Variants in ULK4 observed in about 807,000 individuals in gnomAD.
ULK4 encodes unc-51 like kinase 4, also known as inactive serine/threonine-protein kinase ULK4.
A neutral mutation model predicts 160.6 loss-of-function variants in ULK4; 133 were observed. The ratio of observed to expected loss-of-function variants is 0.83; its 90% CI spans 0.72 to 0.96. The LOEUF is 0.96. Ranked by LOEUF, ULK4 falls within the 40% of genes least tolerant of loss-of-function variation. The probability of loss-of-function intolerance (pLI) is 0.00; values close to 1 mark genes in which losing one functional copy is unlikely to be tolerated. For missense variants in ULK4, 1,580 were observed against 1,499.5 expected, an observed-to-expected ratio of 1.05 and a Z score of -0.89; for synonymous variants, 534 against 539.8, an observed-to-expected ratio of 0.99 and a Z score of 0.15.
At chr3:41,827,329 C>T (rs149958055) in intron 18 of ULK4, among the ~76,000 whole-genome samples, 26,505 of 149,462 alleles carry the variant, frequency 0.18, 2,410 homozygotes, top group Middle Eastern at 0.32. Context: ...CTGAAGGAGA[C>T]AGAGACACAA....
chr3:41,710,999 G>C (rs566014186), intron 25 of ULK4, among the ~76,000 whole-genome samples: 1 of 152,080 alleles, frequency 6.6e-6, no homozygotes, highest in Non-Finnish European at 1.5e-5. Flanking sequence ...GCCGACAAGC[G>C]GATGCTGACA....
At chr3:41,475,598 T>C (rs1422348544) in intron 32 of ULK4, among the ~76,000 whole-genome samples, 1 of 152,076 alleles carries the variant, frequency 6.6e-6, no homozygotes, top group African/African-American at 2.4e-5. Flanking sequence ...CCCATAAATA[T>C]ACAACTATAA....
chr3:41,649,240 G>A (rs1031412300), intron 30 of ULK4, among the ~76,000 whole-genome samples: 3 of 152,166 alleles, frequency 2.0e-5, no homozygotes, highest in Admixed American at 6.5e-5. Flanking sequence ...TGGCAGCAGC[G>A]GCCCATTTGG....
chr3:41,721,090 T>C (rs1227083154), intron 22 of ULK4, among the ~76,000 whole-genome samples: 1 of 151,522 alleles, frequency 6.6e-6, no homozygotes, highest in Non-Finnish European at 1.5e-5. Flanking sequence ...ATAAGCAAAG[T>C]TCAAAATAGG....
At chr3:41,681,396 G>A (rs1464493384) in intron 29 of ULK4, 112 bp downstream of exon 29, 20 of 1,429,992 alleles carry the variant, frequency 1.4e-5, no homozygotes, top group Non-Finnish European at 1.8e-5. Flanking sequence ...ACAAGCATAT[G>A]TGTATAAACA....
intron 32 of ULK4, among the ~76,000 whole-genome samples, chr3:41,476,490 A>G (rs1418416698): frequency 2.6e-5 from 4 of 152,238 alleles, no homozygotes; most frequent in African/African-American, 7.2e-5. Flanking sequence ...ACTTTCCAAG[A>G]GATCAAAATG....
rs80030845 is a variant in ULK4, at chr3:41,768,929, A to T, written c.2194-14441T>A. Reference sequence around the variant, plus strand: ...ATACAGATGCTTTTCAACTTACAATAAGGTTACATCCCAATAAACTCACTG... The same window carrying T: ...ATACAGATGCTTTTCAACTTACAATTAGGTTACATCCCAATAAACTCACTG... On this transcript the variant is annotated intron_variant, in intron 21 of 36. Transcript: ENST00000301831. Among the ~76,000 whole-genome samples the T allele has an allele frequency of 7.9e-5, 12 of 152,272 alleles. No individual in the cohort carries two copies. The East Asian group carries it at 2.3e-3, about 29-fold the overall frequency.
intron 2 of ULK4, among the ~76,000 whole-genome samples, chr3:41,950,573 G>A (rs1700258746): frequency 6.6e-6 from 1 of 151,794 alleles, no homozygotes; most frequent in Non-Finnish European, 1.5e-5. Context: ...ATCTTTTGCA[G>A]GGACACATTT....
chr3:41,866,469 T>C (rs1696887697), intron 17 of ULK4, among the ~76,000 whole-genome samples: 1 of 152,218 alleles, frequency 6.6e-6, no homozygotes, highest in Non-Finnish European at 1.5e-5. Flanking sequence ...TCATAAAGTG[T>C]GCACAACCTA....
At chr3:41,535,057 G>A (rs1424902182) in intron 32 of ULK4, among the ~76,000 whole-genome samples, 8 of 152,000 alleles carry the variant, frequency 5.3e-5, no homozygotes, top group Non-Finnish European at 1.5e-5. Flanking sequence ...CTTCCCATTT[G>A]GAGCCTGAAT....
chr3:41,788,845 C>T (rs1411159036), intron 21 of ULK4, among the ~76,000 whole-genome samples: 2 of 152,118 alleles, frequency 1.3e-5, no homozygotes, highest in African/African-American at 4.8e-5. Context: ...TGAATCATTG[C>T]TTTCCAAATT....
chr3:41,525,209 T>C (rs547436387), intron 32 of ULK4, among the ~76,000 whole-genome samples: 1 of 152,274 alleles, frequency 6.6e-6, no homozygotes, highest in Admixed American at 6.5e-5. Context: ...ATTTCTCACA[T>C]AGCACCTCAG....
chr3:41,586,468 C>G (rs2125637629), intron 31 of ULK4, among the ~76,000 whole-genome samples: 1 of 152,142 alleles, frequency 6.6e-6, no homozygotes, highest in South Asian at 2.1e-4. Context: ...AGAAAGTAGA[C>G]AGGTGACTGC....
intron 30 of ULK4, among the ~76,000 whole-genome samples, chr3:41,648,359 C>T (rs1224368048): frequency 6.6e-6 from 1 of 150,916 alleles, no homozygotes; most frequent in South Asian, 2.1e-4. Flanking sequence ...CCAGTTTTTA[C>T]TCTTTATCTT....
At chr3:41,772,821 A>G (rs1357263738) in intron 21 of ULK4, among the ~76,000 whole-genome samples, 8 of 152,218 alleles carry the variant, frequency 5.3e-5, no homozygotes, top group African/African-American at 1.9e-4. Context: ...AAAATCCTCA[A>G]TAAAATACTG....
intron 22 of ULK4, among the ~76,000 whole-genome samples, chr3:41,719,995 C>G (rs2037395199): frequency 6.6e-6 from 1 of 152,196 alleles, no homozygotes; most frequent in African/African-American, 2.4e-5. Context: ...TGGCCCTTCT[C>G]TTCCCTCTTT....
chr3:41,705,355 A>G (rs1193695376), intron 25 of ULK4, 50 bp from the exon 26 acceptor site: 4 of 1,431,056 alleles, frequency 2.8e-6, no homozygotes, highest in Non-Finnish European at 3.8e-6. Flanking sequence ...TAACTCTGAA[A>G]TAAAATATAG....
intron 21 of ULK4, among the ~76,000 whole-genome samples, chr3:41,787,468 C>T (rs2040030068): frequency 6.6e-6 from 1 of 152,186 alleles, no homozygotes; most frequent in Admixed American, 6.5e-5. Flanking sequence ...AAGCAGTCCA[C>T]TGGGGATCTG....
In ULK4 at chr3:41,629,203, T is replaced by C. The variant is rs1035271615; in HGVS notation, c.3072-13486A>G. On this transcript the variant is annotated intron_variant, in intron 30 of 36. Transcript: ENST00000301831. The stretch of plus-strand genomic sequence containing the variant: ...GTGGGGATGACTCGTCTTTGTTTCA[T>C]GACGTTTGCGGCCTCAGCTGGGAAG... 9.2e-5 allele frequency among the ~76,000 whole-genome samples: 14 copies of C among 152,280 alleles called. No individual in the cohort carries two copies. In the East Asian group the frequency reaches 2.7e-3, roughly 29 times the overall value.
Sources: gnomAD v4.1 joint callset for allele counts (sites outside exome capture counted in the v4.1 genomes callset) on GRCh38, gnomAD v4.1.1 for gene constraint, MANE v1.5 for transcripts, NCBI Gene and HGNC (gene_info 2026-07-23, HGNC 2026-07-21) for gene names.